The following ROBO2 variants were observed in gnomAD, a reference collection of about 807,000 sequenced individuals.
The protein encoded by ROBO2 is roundabout guidance receptor 2.
ROBO2 carries 53 observed loss-of-function variants against 160.8 expected under a neutral mutation model. That is an observed-to-expected ratio of 0.33 (90% CI 0.26 to 0.41). The LOEUF is 0.41. Ranked by LOEUF, ROBO2 falls within the 10% of genes least tolerant of loss-of-function variation. The probability of loss-of-function intolerance (pLI) is 1.00; values close to 1 mark genes in which losing one functional copy is unlikely to be tolerated. For synonymous variants in ROBO2, 664 were observed against 611.7 expected (o/e 1.09, Z -1.26); for missense variants, 1,577 against 1,722.4 (o/e 0.92, Z 1.49).
intron 2 of ROBO2, among the ~76,000 whole-genome samples, chr3:76,066,515 A>C (rs1169690445): frequency 6.6e-6 from 1 of 152,068 alleles, no homozygotes. Context: ...AAGTTTTTGC[A>C]AAAACAGACG....
chr3:77,040,601 A>T, exon 1 of ROBO2: 3 of 1,455,416 alleles, frequency 2.1e-6, no homozygotes, highest in Non-Finnish European at 2.7e-6. Flanking sequence ...GATGGATCTC[A>T]GTGTGCCCCG....
Position 76,910,449 on chromosome 3 carries a change from C to T in ROBO2, c.110-187565C>T, listed in dbSNP as rs532354629. 1.1e-3 allele frequency among the ~76,000 whole-genome samples: 168 copies of T among 151,798 alleles called. 1 individual carries two copies. The highest frequency in any genetic ancestry group is 8.3e-4 in the South Asian group (4 of 4,802). On this transcript the variant is annotated intron_variant, in intron 2 of 26. Transcript: ENST00000487694. ...TTTAGAAATCATATACATTGTTGGC[C>T]GCACATGGTGGCTCACGCCTGTAAT... is the stretch of plus-strand genomic sequence containing the variant.
chr3:77,448,035 C>A (rs2080739057), intron 2 of ROBO2, among the ~76,000 whole-genome samples: 1 of 152,130 alleles, frequency 6.6e-6, no homozygotes, highest in Non-Finnish European at 1.5e-5. Context: ...TTTCTTCTGT[C>A]CCTATACCTA....
intron 2 of ROBO2, among the ~76,000 whole-genome samples, chr3:76,931,630 T>C (rs2077350881): frequency 6.6e-6 from 1 of 151,952 alleles, no homozygotes; most frequent in Non-Finnish European, 1.5e-5. Flanking sequence ...TCATCAGCAA[T>C]ACTTTTAAGT....
chr3:75,960,395 C>G (rs1948868867), intron 2 of ROBO2, among the ~76,000 whole-genome samples: 1 of 151,774 alleles, frequency 6.6e-6, no homozygotes, highest in South Asian at 2.1e-4. Context: ...TATGAGGAAG[C>G]AGGACAGACA....
chr3:77,459,331 C>A (rs186577822), intron 2 of ROBO2, among the ~76,000 whole-genome samples: 1 of 152,268 alleles, frequency 6.6e-6, no homozygotes, highest in Admixed American at 6.5e-5. Flanking sequence ...ATATAAGGAA[C>A]TTTCTACTAA....
At chr3:77,643,651 T>A (rs1294864242) in intron 24 of ROBO2, among the ~76,000 whole-genome samples, 1 of 152,150 alleles carries the variant, frequency 6.6e-6, no homozygotes, top group Admixed American at 6.5e-5. Flanking sequence ...ATTCATTGAG[T>A]ACTGAAACAC....
At chr3:77,287,458 C>T (rs2060688749) in intron 2 of ROBO2, among the ~76,000 whole-genome samples, 1 of 152,016 alleles carries the variant, frequency 6.6e-6, no homozygotes, top group Non-Finnish European at 1.5e-5. Context: ...AAAAGTAAAG[C>T]TACAATTATT....
chr3:76,119,885 C>T (rs973606047), intron 2 of ROBO2, among the ~76,000 whole-genome samples: 35 of 136,202 alleles, frequency 2.6e-4, no homozygotes, highest in African/African-American at 9.5e-4. Context: ...TCCCTTCCTT[C>T]CCTTCCCTTC....
intron 2 of ROBO2, among the ~76,000 whole-genome samples, chr3:76,147,423 C>T (rs2106812613): frequency 6.6e-6 from 1 of 151,844 alleles, no homozygotes; most frequent in Admixed American, 6.6e-5. Context: ...TGTGCATACG[C>T]ATATTTTGTT....
chr3:77,634,625 T>C (rs1049583375), intron 23 of ROBO2: 1 of 503,552 alleles, frequency 2.0e-6, no homozygotes, highest in Non-Finnish European at 3.6e-6. Context: ...GGATCTGTTT[T>C]ATGTTCATTT....
intron 2 of ROBO2, among the ~76,000 whole-genome samples, chr3:77,225,728 A>G (rs1482528408): frequency 6.6e-6 from 1 of 152,064 alleles, no homozygotes; most frequent in Non-Finnish European, 1.5e-5. Context: ...GTAATAGTGT[A>G]TTAAATACAC....
At chr3:77,197,905 A>C (rs1161845489) in intron 2 of ROBO2, among the ~76,000 whole-genome samples, 4 of 152,166 alleles carry the variant, frequency 2.6e-5, no homozygotes, top group Non-Finnish European at 5.9e-5. Flanking sequence ...GGTCAGAGAG[A>C]TACAACATTG....
intron 2 of ROBO2, among the ~76,000 whole-genome samples, chr3:77,129,956 T>C (rs1337367368): frequency 6.6e-6 from 1 of 152,134 alleles, no homozygotes; most frequent in Non-Finnish European, 1.5e-5. Flanking sequence ...CACCATCAGA[T>C]TGAGAAATGA....
Position 76,814,344 on chromosome 3 carries a change from G to A in ROBO2, c.110-283670G>A, listed in dbSNP as rs1003687152. Among the ~76,000 whole-genome samples the A allele has an allele frequency of 3.3e-5, 5 of 152,210 alleles. No homozygotes were observed. In the East Asian group the frequency reaches 5.8e-4, roughly 18 times the overall value. On this transcript the variant is annotated intron_variant, in intron 2 of 26. Coordinates refer to the ROBO2 transcript ENST00000487694. ...GAATGAGGTTCAACTGAAACTAAGAGTTACAACTATCCCTTTTCTCTTTTC... is the reference window on the plus strand; with the variant it reads ...GAATGAGGTTCAACTGAAACTAAGAATTACAACTATCCCTTTTCTCTTTTC...
rs577591275 is a variant in ROBO2, at chr3:77,169,841, G to A, written c.388+71501G>A. On this transcript the variant is annotated intron_variant, in intron 2 of 25. Transcript: ENST00000461745. ...GGGGATTACAATAGAAACAGACACC[G>A]TTCCCCACCAAGGGGGCAGGAGTTG... Among the ~76,000 whole-genome samples the A allele has an allele frequency of 2.0e-5, 3 of 152,182 alleles. No individual in the cohort carries two copies. In the East Asian group the frequency reaches 5.8e-4, roughly 29 times the overall value.
At chr3:77,097,122 C>T (rs1270401587) in intron 1 of ROBO2, among the ~76,000 whole-genome samples, 1 of 152,184 alleles carries the variant, frequency 6.6e-6, no homozygotes. Context: ...AAAGCCTTGT[C>T]TCAGGCTCCA....
chr3:76,001,055 G>T (rs550208748), intron 2 of ROBO2, among the ~76,000 whole-genome samples: 1 of 151,896 alleles, frequency 6.6e-6, no homozygotes, highest in South Asian at 2.1e-4. Context: ...TTTTTGCAGG[G>T]GTATGTTGTT....
At chr3:75,977,447 A>G (rs2065161750) in intron 2 of ROBO2, among the ~76,000 whole-genome samples, 1 of 151,570 alleles carries the variant, frequency 6.6e-6, no homozygotes, top group Non-Finnish European at 1.5e-5. Context: ...TTTGGTTTTC[A>G]GTTGATTCAG....
Sources: gnomAD v4.1 joint callset for allele counts (sites outside exome capture counted in the v4.1 genomes callset) on GRCh38, gnomAD v4.1.1 for gene constraint, MANE v1.5 for transcripts, NCBI Gene and HGNC (gene_info 2026-07-23, HGNC 2026-07-21) for gene names.